Variants in TENM3 observed in about 807,000 individuals in gnomAD.
The protein encoded by TENM3 is teneurin transmembrane protein 3, also known as teneurin-3.
TENM3 carries 63 observed loss-of-function variants against 255.1 expected under a neutral mutation model. That is an observed-to-expected ratio of 0.25 (90% CI 0.20 to 0.30). The LOEUF is 0.30. Among genes scored for constraint, TENM3 ranks in the 10% least tolerant of loss-of-function variants. The pLI is 1.00. For synonymous variants in TENM3, 1,306 were observed against 1,322.3 expected (o/e 0.99, Z 0.27); for missense variants, 2,929 against 3,461.1 (o/e 0.85, Z 3.86).
intron 1 of TENM3, among the ~76,000 whole-genome samples, chr4:182,257,720 T>C (rs1050325224): frequency 6.6e-6 from 1 of 152,182 alleles, no homozygotes; most frequent in East Asian, 1.9e-4. Flanking sequence ...AGAGCAGCCC[T>C]TTGAGATGGG....
chr4:182,320,590 C>T (rs1459718009), intron 1 of TENM3, among the ~76,000 whole-genome samples: 1 of 152,168 alleles, frequency 6.6e-6, no homozygotes, highest in Non-Finnish European at 1.5e-5. Flanking sequence ...CATAATCTTA[C>T]TACATCTGCA....
the TENM3 span, among the ~76,000 whole-genome samples, chr4:181,732,647 A>T: frequency 6.6e-6 from 1 of 152,290 alleles, no homozygotes; most frequent in South Asian, 2.1e-4. Context: ...CACTGTTAAT[A>T]TGTCAGTTAG....
At chr4:182,496,554 G>A (rs1399509792) in intron 3 of TENM3, among the ~76,000 whole-genome samples, 7 of 152,154 alleles carry the variant, frequency 4.6e-5, no homozygotes, top group Admixed American at 2.0e-4. Flanking sequence ...TCTGGTGGGA[G>A]ATTTGATTGA....
the TENM3 span, among the ~76,000 whole-genome samples, chr4:182,058,728 T>G: frequency 6.6e-6 from 1 of 152,324 alleles, no homozygotes; most frequent in East Asian, 1.9e-4. Context: ...AATTTATTTT[T>G]AGTGTTTCAT....
At chr4:182,114,927 A>G in the TENM3 span, among the ~76,000 whole-genome samples, 1 of 152,174 alleles carries the variant, frequency 6.6e-6, no homozygotes, top group East Asian at 1.9e-4. Context: ...CATGCCTATA[A>G]TTCCAGCACT....
chr4:182,051,234 T>A, the TENM3 span, among the ~76,000 whole-genome samples: 5 of 151,584 alleles, frequency 3.3e-5, no homozygotes, highest in Non-Finnish European at 1.5e-5. Context: ...TCCCAGCTAC[T>A]CGGGAGGCTA....
chr4:181,825,720 G>T, the TENM3 span, among the ~76,000 whole-genome samples: 1 of 152,100 alleles, frequency 6.6e-6, no homozygotes, highest in Non-Finnish European at 1.5e-5. Context: ...AGAACAAAAA[G>T]ATTCAATTTG....
chr4:182,602,705 C>T (rs1341000192), intron 4 of TENM3, among the ~76,000 whole-genome samples: 3 of 152,120 alleles, frequency 2.0e-5, no homozygotes, highest in African/African-American at 7.2e-5. Context: ...ACTTAAGACA[C>T]AGTCATGTAT....
At chr4:182,324,953 C>A (rs7678533) in intron 2 of TENM3, among the ~76,000 whole-genome samples, 47,548 of 151,978 alleles carry the variant, frequency 0.31, 8,199 homozygotes, top group African/African-American at 0.46. Context: ...TTACTTCACT[C>A]TCCTAAACCT....
chr4:181,995,150 C>T, the TENM3 span, among the ~76,000 whole-genome samples: 1,001 of 152,046 alleles, frequency 6.6e-3, 7 homozygotes, highest in Middle Eastern at 0.027. Context: ...ATTAGCTGGG[C>T]ATTATGGTGT....
At chr4:182,213,072 T>G (rs775605574) in intron 1 of TENM3, among the ~76,000 whole-genome samples, 1 of 152,226 alleles carries the variant, frequency 6.6e-6, no homozygotes, top group Non-Finnish European at 1.5e-5. Flanking sequence ...TTAAAAGCAT[T>G]TGTCTGTAAG....
the TENM3 span, among the ~76,000 whole-genome samples, chr4:181,505,304 T>C: frequency 6.6e-6 from 1 of 152,170 alleles, no homozygotes; most frequent in African/African-American, 2.4e-5. Context: ...TGGCAGCACA[T>C]CCTGAGTAGA....
the TENM3 span, among the ~76,000 whole-genome samples, chr4:181,575,148 GT>G: frequency 6.6e-6 from 1 of 151,818 alleles, no homozygotes; most frequent in African/African-American, 2.4e-5. Context: ...AGGAGTTTAA[GT>G]TTTTTGTTAT....
At chr4:182,007,353 A>T in the TENM3 span, among the ~76,000 whole-genome samples, 4 of 152,162 alleles carry the variant, frequency 2.6e-5, no homozygotes, top group East Asian at 7.7e-4. Flanking sequence ...ATTATGTGGG[A>T]GTCTAAGTCT....
At chr4:181,711,657 T>C in the TENM3 span, among the ~76,000 whole-genome samples, 2 of 152,206 alleles carry the variant, frequency 1.3e-5, no homozygotes, top group African/African-American at 2.4e-5. Context: ...GAAACCCAAC[T>C]TGGTGACCTT....
the TENM3 span, among the ~76,000 whole-genome samples, chr4:181,470,793 A>G: frequency 6.6e-6 from 1 of 152,190 alleles, no homozygotes; most frequent in Non-Finnish European, 1.5e-5. Context: ...GTCAAATTCC[A>G]ACAGCAGCAT....
At chr4:181,983,306 A>C in the TENM3 span, among the ~76,000 whole-genome samples, 42 of 152,150 alleles carry the variant, frequency 2.8e-4, no homozygotes, top group Non-Finnish European at 4.4e-4. Flanking sequence ...TTGTGACCTA[A>C]GGGAAGGGAT....
chr4:182,184,137 T>C (rs1322457281), intron 1 of TENM3, among the ~76,000 whole-genome samples: 1 of 152,140 alleles, frequency 6.6e-6, no homozygotes, highest in Non-Finnish European at 1.5e-5. Flanking sequence ...AAGAGTACTA[T>C]AGGTTAGACA....
chr4:182,752,195 C>T (rs1220761745), intron 20 of TENM3, among the ~76,000 whole-genome samples, 163 bp downstream of exon 20: 1 of 151,908 alleles, frequency 6.6e-6, no homozygotes, highest in Non-Finnish European at 1.5e-5. Flanking sequence ...TTTTAAAAGC[C>T]ATGTAGCATG....
Sources: allele counts gnomAD v4.1 joint callset (sites outside exome capture counted in the v4.1 genomes callset), GRCh38; gene constraint gnomAD v4.1.1; transcripts MANE v1.5; gene names NCBI Gene and HGNC (gene_info 2026-07-23, HGNC 2026-07-21).